Variants in AGO2 observed in about 807,000 individuals in gnomAD.
AGO2 encodes protein argonaute-2.
In AGO2, 5 loss-of-function variants were observed where a neutral mutation model predicts 102.3. The observed-to-expected ratio is 0.05, with a 90% CI of 0.03 to 0.10. AGO2 has a LOEUF of 0.10. Ranked by LOEUF, AGO2 falls within the 10% of genes least tolerant of loss-of-function variation. AGO2 has a pLI of 1.00. For missense variants in AGO2, 541 were observed against 1,183.7 expected, an observed-to-expected ratio of 0.46 and a Z score of 7.97; for synonymous variants, 449 against 473.1, an observed-to-expected ratio of 0.95 and a Z score of 0.66.
At chr8:140,541,088 G>A (rs1485649076) in intron 15 of AGO2, 76 bp downstream of exon 15, 10 of 1,400,262 alleles carry the variant, frequency 7.1e-6, no homozygotes, top group Admixed American at 5.1e-5. Flanking sequence ...GCCATTCATC[G>A]AGCGTGGTTC....
chr8:140,615,420 C>G (rs762313145), intron 1 of AGO2, among the ~76,000 whole-genome samples: 78 of 152,254 alleles, frequency 5.1e-4, no homozygotes, highest in South Asian at 3.1e-3. Flanking sequence ...GGCCCCCAGG[C>G]GGCCCTTCTC....
At chr8:140,627,803 G>C (rs562520590) in intron 1 of AGO2, among the ~76,000 whole-genome samples, 1 of 152,264 alleles carries the variant, frequency 6.6e-6, no homozygotes, top group South Asian at 2.1e-4. Flanking sequence ...ACACAAGCAT[G>C]GCGGTCACTT....
chr8:140,631,224 C>T (rs927505205), intron 1 of AGO2, among the ~76,000 whole-genome samples: 3 of 152,080 alleles, frequency 2.0e-5, no homozygotes, highest in Non-Finnish European at 2.9e-5. Context: ...AGGGGAGGCA[C>T]GAATGCTCTG....
rs1477260080 is a variant in AGO2, at chr8:140,529,164, C to T, written c.*2880G>A. The T allele has an allele frequency of 1.3e-5, 2 of 152,220 alleles. No individual in the cohort carries two copies. Among genetic ancestry groups the T allele is most frequent in the African/African-American group, 4.8e-5 (2 of 41,450 alleles). 9.4% of individuals were successfully genotyped at this position (152,220 alleles called of 1,614,324 possible). On this transcript the variant is annotated 3_prime_UTR_variant, in exon 19 of 19. Coordinates refer to ENST00000220592, the MANE Select transcript of AGO2 (RefSeq NM_012154.5). ...TGGGGACAAAGCCAGCGAGTGGGCA[C>T]CCCTCAAATCTTGACAGGCCCAGGG... is the stretch of plus-strand genomic sequence containing the variant.
Position 140,520,631 on chromosome 8 carries a change from T to C in AGO2, c.*11413A>G, listed in dbSNP as rs2072401248. 2.0e-5 allele frequency: 3 copies of C among 152,056 alleles called. No homozygotes were observed. Among genetic ancestry groups the C allele is most frequent in the African/African-American group, 7.2e-5 (3 of 41,396 alleles). 9.4% of individuals were successfully genotyped at this position (152,056 alleles called of 1,614,324 possible). A position where few individuals can be genotyped will look rare whatever the true frequency, so the allele number is the denominator to read the frequency against. On this transcript the variant is annotated 3_prime_UTR_variant, in exon 19 of 19. Transcript: ENST00000220592. ...GGAGAGACCAGAGGCTCGGGCTGCC[T>C]GATTTCAGCAACACATTTAGGATCA...
intron 11 of AGO2, among the ~76,000 whole-genome samples, chr8:140,550,560 C>T (rs1053546879): frequency 1.3e-5 from 2 of 152,194 alleles, no homozygotes; most frequent in Admixed American, 1.3e-4. Flanking sequence ...AATCACTCCT[C>T]TTGTCTGGGA....
the AGO2 span, among the ~76,000 whole-genome samples, chr8:140,641,424 A>G: frequency 1.3e-5 from 2 of 152,260 alleles, no homozygotes; most frequent in South Asian, 4.1e-4. Context: ...ACAAGTGTCA[A>G]TTTTTAGCTT....
At chr8:140,615,756 G>A (rs560874940) in intron 1 of AGO2, among the ~76,000 whole-genome samples, 167 of 152,334 alleles carry the variant, frequency 1.1e-3, no homozygotes, top group African/African-American at 3.2e-3. Flanking sequence ...CTCTCCACGC[G>A]GCTTCGCCAC....
At chr8:140,618,607 G>C (rs2074173416) in intron 1 of AGO2, among the ~76,000 whole-genome samples, 1 of 152,170 alleles carries the variant, frequency 6.6e-6, no homozygotes, top group Non-Finnish European at 1.5e-5. Flanking sequence ...GATCCCAACT[G>C]TCCACCCATG....
chr8:140,551,255 C>T, intron 11 of AGO2, 48 bp downstream of exon 11: 1 of 1,447,464 alleles, frequency 6.9e-7, no homozygotes, highest in Non-Finnish European at 9.2e-7. Context: ...TTGAGCTGCC[C>T]ATCGGGCAGC....
chr8:140,568,621 C>T (rs890673135), intron 3 of AGO2, among the ~76,000 whole-genome samples: 7 of 152,190 alleles, frequency 4.6e-5, no homozygotes, highest in African/African-American at 1.7e-4. Flanking sequence ...CCGTGCAGTT[C>T]ATGTCTTGTT....
intron 1 of AGO2, among the ~76,000 whole-genome samples, chr8:140,632,539 G>A (rs894371282): frequency 7.9e-5 from 12 of 152,352 alleles, no homozygotes; most frequent in South Asian, 2.1e-4. Flanking sequence ...GCAAATCTGC[G>A]AGGGGTGTAA....
intron 1 of AGO2, among the ~76,000 whole-genome samples, chr8:140,631,237 G>A (rs1261248872): frequency 1.3e-5 from 2 of 152,148 alleles, no homozygotes; most frequent in African/African-American, 2.4e-5. Flanking sequence ...ATGCTCTGAA[G>A]AAAAGAGATT....
rs955858735 is a variant in AGO2, at chr8:140,540,428, C to T, written c.2034+736G>A. Among the ~76,000 whole-genome samples the T allele has an allele frequency of 3.3e-5, 5 of 152,188 alleles. No individual in the cohort carries two copies. Among genetic ancestry groups the T allele is most frequent in the East Asian group, 1.9e-4 (1 of 5,192 alleles). ...TGCTAACACCTCCCAAGGAAGCGAC[C>T]GTGTGGCATGGCGAGGGGTGGGGAG... is the stretch of plus-strand genomic sequence containing the variant. On this transcript the variant is annotated intron_variant, in intron 15 of 18. Coordinates refer to ENST00000220592, the MANE Select transcript of AGO2 (RefSeq NM_012154.5). This position sits in a 1 kb window ranked among gnomAD's most constrained non-coding sequence, Gnocchi z 5.0.
Position 140,541,332 on chromosome 8 carries a change from G to T in AGO2, c.1866C>A (p.Pro622=), listed in dbSNP as rs751459100. Reference sequence around the variant, plus strand: ...CGCGCACGGTGGCGCAGTAGCGATTGGGGTGGGCGTCCATGCTGCCCACCA... The same window carrying T: ...CGCGCACGGTGGCGCAGTAGCGATTTGGGTGGGCGTCCATGCTGCCCACCA... The part of the protein sequence containing the change: ...AAVVGSMDAH[P]NRYCATVRVQ... The change falls in exon 15 of 19, where the codon CCC becomes CCA. Residue 622 remains proline, a synonymous_variant. Transcript: ENST00000220592. The T allele has an allele frequency of 6.2e-6, 10 of 1,609,816 alleles. No individual in the cohort carries two copies. The African/African-American group carries it at 1.3e-4, about 22-fold the overall frequency.
At chr8:140,642,134 C>A in the AGO2 span, among the ~76,000 whole-genome samples, 110 of 152,266 alleles carry the variant, frequency 7.2e-4, no homozygotes, top group African/African-American at 2.6e-3. Context: ...AAAACCTCTG[C>A]ACAGAAATCT....
chr8:140,599,646 G>T (rs935705473), intron 1 of AGO2, among the ~76,000 whole-genome samples: 1 of 152,106 alleles, frequency 6.6e-6, no homozygotes. Context: ...TCTAAATGAG[G>T]TGCCTGATGT....
At chr8:140,562,350 G>C (rs1038167408) in intron 4 of AGO2, 103 bp downstream of exon 4, 169 of 1,406,578 alleles carry the variant, frequency 1.2e-4, no homozygotes, top group Non-Finnish European at 1.5e-4. Flanking sequence ...CTCCCACCCT[G>C]GATCCAAGAA....
chr8:140,572,586 C>A, intron 3 of AGO2: 1 of 495,996 alleles, frequency 2.0e-6, no homozygotes, highest in Non-Finnish European at 3.3e-6. Context: ...AGCAAGTTCT[C>A]GATATCCGTG....
Sources: gnomAD v4.1 joint callset for allele counts (sites outside exome capture counted in the v4.1 genomes callset) on GRCh38, gnomAD v4.1.1 for gene constraint, Gnocchi (gnomAD v3.1) non-coding constraint, MANE v1.5 for transcripts, NCBI Gene and HGNC (gene_info 2026-07-23, HGNC 2026-07-21) for gene names.